Variants in VTI1A observed in about 807,000 individuals in gnomAD.
VTI1A encodes vesicle transport through interaction with t-SNAREs 1A.
In VTI1A, 22 loss-of-function variants were observed where a neutral mutation model predicts 34.9. The ratio of observed to expected loss-of-function variants is 0.63; its 90% confidence interval spans 0.45 to 0.90. The LOEUF is 0.90. Among genes scored for constraint, VTI1A ranks in the 40% least tolerant of loss-of-function variants. The pLI is 0.00. For missense variants in VTI1A, 268 were observed against 275.6 expected (o/e 0.97, Z 0.20); for synonymous variants, 87 against 97.3 (o/e 0.89, Z 0.62).
At chr10:112,537,325 A>ATATATATATATATATATATATT (rs1306072175) in intron 4 of VTI1A, among the ~76,000 whole-genome samples, 1 of 133,636 alleles carries the variant, frequency 7.5e-6, no homozygotes, top group African/African-American at 2.6e-5. Context: ...ATATATATAT[A>ATATATATATATATATATATATT]TATATATATA....
chr10:112,819,927 G>A (rs1327455700), downstream of VTI1A, among the ~76,000 whole-genome samples: 1 of 152,176 alleles, frequency 6.6e-6, no homozygotes, highest in African/African-American at 2.4e-5. Context: ...CCCATCCCCA[G>A]AGGGACCAGG....
At chr10:112,619,045 G>A (rs1845630152) in intron 5 of VTI1A, among the ~76,000 whole-genome samples, 1 of 148,850 alleles carries the variant, frequency 6.7e-6, no homozygotes, top group Non-Finnish European at 1.5e-5. Context: ...AATCGTGCCT[G>A]GCACATTAGT....
chr10:112,752,379 G>C (rs1019065795), intron 7 of VTI1A: 38 of 985,142 alleles, frequency 3.9e-5, no homozygotes, highest in Non-Finnish European at 4.3e-5. Context: ...TTACATTATC[G>C]ACTAGTCTGA....
intron 3 of VTI1A, among the ~76,000 whole-genome samples, chr10:112,477,054 T>C (rs539674998): frequency 1.3e-5 from 2 of 152,308 alleles, no homozygotes; most frequent in Non-Finnish European, 2.9e-5. Context: ...AGAAGTTAAA[T>C]TGGGACTAGA....
intron 7 of VTI1A, among the ~76,000 whole-genome samples, chr10:112,792,790 G>A (rs1225314895): frequency 6.6e-6 from 1 of 152,108 alleles, no homozygotes; most frequent in African/African-American, 2.4e-5. Flanking sequence ...AAGTTTTTTT[G>A]AACTGAGTTT....
At chr10:112,649,461 A>G (rs1846927313) in intron 5 of VTI1A, among the ~76,000 whole-genome samples, 1 of 152,222 alleles carries the variant, frequency 6.6e-6, no homozygotes, top group Non-Finnish European at 1.5e-5. Flanking sequence ...CTCATGCATC[A>G]TGCTGGACAC....
chr10:112,667,405 A>G (rs1847682169), intron 5 of VTI1A, among the ~76,000 whole-genome samples: 1 of 152,172 alleles, frequency 6.6e-6, no homozygotes, highest in African/African-American at 2.4e-5. Flanking sequence ...TATGATGTCA[A>G]GCCATACCTA....
intron 7 of VTI1A, among the ~76,000 whole-genome samples, chr10:112,729,069 A>C (rs946925295): frequency 5.1e-4 from 78 of 152,302 alleles, no homozygotes; most frequent in African/African-American, 1.9e-3. Flanking sequence ...GTTTAAAAAA[A>C]TAGCCTTCTT....
At chr10:112,702,418 CT>C (rs1564890578) in intron 7 of VTI1A, among the ~76,000 whole-genome samples, 1 of 152,032 alleles carries the variant, frequency 6.6e-6, no homozygotes, top group African/African-American at 2.4e-5. Context: ...GATTTTTTTG[CT>C]TGTTCGTTTG....
intron 5 of VTI1A, among the ~76,000 whole-genome samples, chr10:112,650,970 C>T (rs1212196252): frequency 4.6e-5 from 7 of 152,184 alleles, no homozygotes; most frequent in African/African-American, 1.7e-4. Context: ...TGATAAGTTA[C>T]ATAAGTTATT....
intron 7 of VTI1A, among the ~76,000 whole-genome samples, chr10:112,732,812 C>T (rs1213249079): frequency 6.6e-6 from 1 of 152,198 alleles, no homozygotes; most frequent in Non-Finnish European, 1.5e-5. Context: ...TTTCCTGACC[C>T]ACATGCTTCT....
intron 7 of VTI1A, among the ~76,000 whole-genome samples, chr10:112,806,999 C>T (rs540650077): frequency 6.6e-6 from 1 of 152,226 alleles, no homozygotes; most frequent in African/African-American, 2.4e-5. Context: ...ACTGCCTGCT[C>T]TGCTCATGAA....
chr10:112,681,178 T>A (rs1218502647), intron 7 of VTI1A, among the ~76,000 whole-genome samples: 1 of 151,660 alleles, frequency 6.6e-6, no homozygotes, highest in African/African-American at 2.4e-5. Context: ...TGGGCTCAAG[T>A]GATCCTTCCA....
Position 112,460,553 on chromosome 10 carries a change from G to A in VTI1A, c.124G>A (p.Glu42Lys), listed in dbSNP as rs2134041418. ...AAAGAAACAGATGGTTGCAAATGTG[G>A]AGAAACAGCTTGAAGAAGCGAAAGA... ...DEKKQMVANV[E>K]KQLEEAKELL... The change falls in exon 2 of 8, where the codon GAG becomes AAG. Residue 42 changes from glutamate (E) to lysine (K), a missense_variant. Coordinates refer to ENST00000393077, the MANE Select transcript of VTI1A (RefSeq NM_145206.4). The A allele has an allele frequency of 6.2e-7, 1 of 1,609,740 alleles. No individual in the cohort carries two copies. The highest frequency in any genetic ancestry group is 8.5e-7 in the Non-Finnish European group (1 of 1,178,164).
At chr10:112,805,876 G>T (rs1203737062) in intron 7 of VTI1A, among the ~76,000 whole-genome samples, 1 of 152,166 alleles carries the variant, frequency 6.6e-6, no homozygotes, top group African/African-American at 2.4e-5. Flanking sequence ...CCAGAACTGG[G>T]AGACAATAAC....
chr10:112,631,111 A>G (rs998643545), intron 5 of VTI1A, among the ~76,000 whole-genome samples: 6 of 152,036 alleles, frequency 3.9e-5, no homozygotes, highest in Non-Finnish European at 5.9e-5. Context: ...CCTGGGCAAC[A>G]AGAGCGAAAC....
chr10:112,603,706 C>A (rs1478993267), intron 5 of VTI1A, among the ~76,000 whole-genome samples: 1 of 152,082 alleles, frequency 6.6e-6, no homozygotes. Flanking sequence ...CATTACATCC[C>A]AAGACCAGCT....
At chr10:112,625,308 G>T (rs1429060064) in intron 5 of VTI1A, among the ~76,000 whole-genome samples, 2 of 152,132 alleles carry the variant, frequency 1.3e-5, no homozygotes, top group Non-Finnish European at 2.9e-5. Context: ...ACCTGGATGG[G>T]ATTGGAGACT....
chr10:112,769,798 G>A (rs1261771621), intron 7 of VTI1A, among the ~76,000 whole-genome samples: 1 of 152,170 alleles, frequency 6.6e-6, no homozygotes, highest in Non-Finnish European at 1.5e-5. Flanking sequence ...GAAAGAGCAG[G>A]TAGGAATCTG....
Sources: allele counts gnomAD v4.1 joint callset (sites outside exome capture counted in the v4.1 genomes callset), GRCh38; gene constraint gnomAD v4.1.1; transcripts MANE v1.5; gene names NCBI Gene and HGNC (gene_info 2026-07-23, HGNC 2026-07-21).